The following ARID5B variants were observed in gnomAD, a reference collection of about 807,000 sequenced individuals.
The protein encoded by ARID5B is AT-rich interaction domain 5B.
A neutral mutation model predicts 97.2 loss-of-function variants in ARID5B; 13 were observed. The observed-to-expected ratio is 0.13, with a 90% CI of 0.09 to 0.21. The LOEUF (loss-of-function observed/expected upper bound fraction) is 0.21. Among genes scored for constraint, ARID5B ranks in the 10% least tolerant of loss-of-function variants. The pLI, the probability that ARID5B is intolerant of heterozygous loss-of-function variation, is 1.00. For missense variants in ARID5B, 1,210 were observed against 1,465.3 expected, an observed-to-expected ratio of 0.83 and a Z score of 2.84; for synonymous variants, 556 against 570.3, an observed-to-expected ratio of 0.97 and a Z score of 0.36.
At chr10:62,068,726 C>T (rs1393139859) in intron 7 of ARID5B, among the ~76,000 whole-genome samples, 25 of 151,996 alleles carry the variant, frequency 1.6e-4, no homozygotes, top group Non-Finnish European at 5.9e-5. Context: ...TCACGAGGGC[C>T]GCAGAACTTG....
rs1840471199 is a variant in ARID5B at position 62,096,410 on chromosome 10, T to G, written c.*3380T>G. 1 of 233,550 alleles carries G rather than the reference T, an allele frequency of 4.3e-6. No individual in the cohort carries two copies. The highest frequency in any genetic ancestry group is 1.8e-4 in the South Asian group (1 of 5,538). The allele number at this position is 233,550 out of a possible 1,614,324, so 14.5% of individuals were successfully genotyped here. On this transcript the variant is annotated 3_prime_UTR_variant, in exon 10 of 10. Coordinates refer to ENST00000279873, the MANE Select transcript of ARID5B (RefSeq NM_032199.3). The stretch of plus-strand genomic sequence containing the variant: ...AGCCAAGTCGCATCTGGTCTAGTTT[T>G]ACTCTTGTCCCAATTTTAAAGAGAA...
chr10:62,032,007 T>A (rs955309721), intron 4 of ARID5B, among the ~76,000 whole-genome samples: 1 of 152,170 alleles, frequency 6.6e-6, no homozygotes, highest in Admixed American at 6.5e-5. Context: ...AACTGAGGCC[T>A]GGTAATAAGG....
At chr10:62,022,333 C>T (rs1839367082) in intron 4 of ARID5B, among the ~76,000 whole-genome samples, 1 of 152,202 alleles carries the variant, frequency 6.6e-6, no homozygotes, top group African/African-American at 2.4e-5. Context: ...CAGCTGCCCT[C>T]CTTTTTGATC....
In ARID5B at chr10:61,947,261, C is replaced by CTTTTTTTTTTTTTTTTTTTTTT. The variant is rs199587188; in HGVS notation, c.502+6857_502+6878dup. The stretch of plus-strand genomic sequence containing the variant: ...ACCAGTATATCTTCTCACTTACTTT[C>CTTTTTTTTTTTTTTTTTTTTTT]TTTTTTTTTTTTTTTTTTTTTTTTT... On this transcript the variant is annotated intron_variant, in intron 3 of 9. Transcript: ENST00000279873. Among the ~76,000 whole-genome samples, 38 of 124,300 alleles carry CTTTTTTTTTTTTTTTTTTTTTT rather than the reference C, an allele frequency of 3.1e-4. 4 individuals carry two copies. Among genetic ancestry groups the CTTTTTTTTTTTTTTTTTTTTTT allele is most frequent in the South Asian group, 6.2e-4 (2 of 3,240 alleles). 81.5% of individuals were successfully genotyped at this position (124,300 alleles called of 152,430 possible).
chr10:61,930,722 A>AAAATAAATAAATAAATAAAT (rs55665606), intron 2 of ARID5B, among the ~76,000 whole-genome samples: 23,324 of 140,138 alleles, frequency 0.17, 2,204 homozygotes, highest in Non-Finnish European at 0.19. Flanking sequence ...TCCGCCTCAA[A>AAAATAAATAAATAAATAAAT]AAATAAATAA....
At chr10:61,941,851 A>G (rs1354873841) in intron 3 of ARID5B, among the ~76,000 whole-genome samples, 1 of 152,194 alleles carries the variant, frequency 6.6e-6, no homozygotes, top group East Asian at 1.9e-4. Flanking sequence ...TCCTATATAT[A>G]CTGTTACACC....
At chr10:62,048,085 G>A (rs1463029999) in intron 4 of ARID5B, among the ~76,000 whole-genome samples, 4 of 152,222 alleles carry the variant, frequency 2.6e-5, no homozygotes, top group African/African-American at 9.6e-5. Context: ...TGTTTCCAGA[G>A]CATAAGCATA....
chr10:61,919,847 G>GT (rs983818197), intron 2 of ARID5B, among the ~76,000 whole-genome samples: 3,345 of 147,190 alleles, frequency 0.023, 109 homozygotes, highest in African/African-American at 0.077. Context: ...AAAGACTGAA[G>GT]TTTTTTTTTT....
chr10:61,906,469 G>A (rs1340927311), intron 2 of ARID5B, among the ~76,000 whole-genome samples: 2 of 152,144 alleles, frequency 1.3e-5, no homozygotes, highest in Non-Finnish European at 2.9e-5. Flanking sequence ...TAATCTATTG[G>A]CAGTATACCC....
At chr10:61,986,833 G>A (rs1226087912) in intron 3 of ARID5B, among the ~76,000 whole-genome samples, 1 of 152,126 alleles carries the variant, frequency 6.6e-6, no homozygotes, top group African/African-American at 2.4e-5. Flanking sequence ...CGTTCACTGT[G>A]TGCTACATTA....
intron 3 of ARID5B, among the ~76,000 whole-genome samples, chr10:61,994,606 C>T (rs1360008138): frequency 6.6e-6 from 1 of 152,144 alleles, no homozygotes; most frequent in Non-Finnish European, 1.5e-5. Context: ...TACCCTTTCT[C>T]CCCGACTCCT....
chr10:61,982,973 C>T (rs1838796958), intron 3 of ARID5B, among the ~76,000 whole-genome samples: 2 of 152,156 alleles, frequency 1.3e-5, no homozygotes, highest in African/African-American at 4.8e-5. Flanking sequence ...GATTGATTTG[C>T]AGGTTGGGGC....
At chr10:62,010,286 A>G (rs1839199533) in intron 4 of ARID5B, among the ~76,000 whole-genome samples, 1 of 152,214 alleles carries the variant, frequency 6.6e-6, no homozygotes, top group Non-Finnish European at 1.5e-5. Context: ...TCACTTCAGA[A>G]TAATCATCTT....
intron 3 of ARID5B, among the ~76,000 whole-genome samples, chr10:61,983,745 C>T (rs1190332442): frequency 7.2e-6 from 1 of 138,044 alleles, no homozygotes; most frequent in Non-Finnish European, 1.6e-5. Context: ...AGCCAAGTGC[C>T]AGAAAAAAAA....
intron 5 of ARID5B, among the ~76,000 whole-genome samples, chr10:62,051,665 A>T (rs548870578): frequency 6.6e-6 from 1 of 152,212 alleles, no homozygotes; most frequent in African/African-American, 2.4e-5. Flanking sequence ...GCATGCCTGA[A>T]GTATTTTGCA....
At chr10:62,057,754 C>T (rs1246627351) in intron 6 of ARID5B, among the ~76,000 whole-genome samples, 1 of 152,084 alleles carries the variant, frequency 6.6e-6, no homozygotes, top group Non-Finnish European at 1.5e-5. Context: ...TCCTAAGCCC[C>T]AAATGTGTTA....
At chr10:62,060,013 T>C (rs1191540988) in intron 7 of ARID5B, among the ~76,000 whole-genome samples, 1 of 152,192 alleles carries the variant, frequency 6.6e-6, no homozygotes, top group Non-Finnish European at 1.5e-5. Flanking sequence ...ATATAATCAA[T>C]TGACATAGGA....
rs41305707 is a variant in ARID5B at position 62,093,228 on chromosome 10, G to A, written c.*198G>A. 82 of 728,816 alleles carry A rather than the reference G, an allele frequency of 1.1e-4. No individual in the cohort carries two copies. The highest frequency in any genetic ancestry group is 1.7e-4 in the Non-Finnish European group (78 of 472,022). 45.1% of individuals were successfully genotyped at this position (728,816 alleles called of 1,614,324 possible). ...ACTCTAGCCCACAAACTGACTGGCT[G>A]GTGAGTCTTGACTCCCTTCCAACAC... On this transcript the variant is annotated 3_prime_UTR_variant, in exon 10 of 10. Transcript: ENST00000279873.
chr10:61,911,405 C>A (rs990317325), intron 2 of ARID5B, among the ~76,000 whole-genome samples: 2 of 151,964 alleles, frequency 1.3e-5, no homozygotes, highest in Non-Finnish European at 2.9e-5. Context: ...TATTAATAGT[C>A]AAAAATATGC....
Sources: allele counts gnomAD v4.1 joint callset (sites outside exome capture counted in the v4.1 genomes callset), GRCh38; gene constraint gnomAD v4.1.1; transcripts MANE v1.5; gene names NCBI Gene and HGNC (gene_info 2026-07-23, HGNC 2026-07-21).